Variants in CTNNA3 observed in about 807,000 individuals in gnomAD.
CTNNA3 encodes the protein catenin alpha-3.
In CTNNA3, 76 loss-of-function variants were observed where a neutral mutation model predicts 95.7. The observed-to-expected ratio is 0.79, with a 90% CI of 0.66 to 0.96. The LOEUF is 0.96. Among genes scored for constraint, CTNNA3 ranks in the 40% least tolerant of loss-of-function variants. The pLI, the probability that CTNNA3 is intolerant of heterozygous loss-of-function variation, is 0.00. For missense variants in CTNNA3, 1,191 were observed against 1,089.8 expected, an observed-to-expected ratio of 1.09 and a Z score of -1.31; for synonymous variants, 431 against 374.4, an observed-to-expected ratio of 1.15 and a Z score of -1.74.
chr10:66,565,981 C>T (rs1195386418), intron 10 of CTNNA3, among the ~76,000 whole-genome samples: 1 of 152,104 alleles, frequency 6.6e-6, no homozygotes, highest in East Asian at 1.9e-4. Flanking sequence ...TGAAAGAAAT[C>T]CTGAGGTCAG....
At chr10:66,329,988 T>C (rs2092305073) in intron 12 of CTNNA3, among the ~76,000 whole-genome samples, 2 of 152,094 alleles carry the variant, frequency 1.3e-5, no homozygotes, top group Admixed American at 1.3e-4. Context: ...AAATGGGACA[T>C]GATTCCAAGC....
chr10:65,940,761 G>A (rs963965578), intron 17 of CTNNA3, among the ~76,000 whole-genome samples: 17 of 152,074 alleles, frequency 1.1e-4, no homozygotes, highest in African/African-American at 4.1e-4. Context: ...ATTATATCCT[G>A]TTCAAAAATC....
rs1210482029 is a variant in CTNNA3, at chr10:67,296,934, C to CAAAAAAAAAAAAAAAAAAA, written c.580-77083_580-77065dup. ...GGGCAACAAGAATGAAACGCTGTCT[C>CAAAAAAAAAAAAAAAAAAA]AAAAAAAAAAAAAAAAAAAAAAAAA... On this transcript the variant is annotated intron_variant, in intron 5 of 17. Coordinates refer to ENST00000433211, the MANE Select transcript of CTNNA3 (RefSeq NM_013266.4). Among the ~76,000 whole-genome samples, 8 of 17,664 alleles carry CAAAAAAAAAAAAAAAAAAA rather than the reference C, an allele frequency of 4.5e-4. 2 individuals are homozygous for CAAAAAAAAAAAAAAAAAAA. Among genetic ancestry groups the CAAAAAAAAAAAAAAAAAAA allele is most frequent in the African/African-American group, 1.0e-3 (5 of 5,024 alleles). 11.6% of individuals were successfully genotyped at this position (17,664 alleles called of 152,430 possible).
chr10:66,171,355 A>G (rs1220309497), intron 13 of CTNNA3, among the ~76,000 whole-genome samples: 1 of 151,676 alleles, frequency 6.6e-6, no homozygotes, highest in African/African-American at 2.4e-5. Context: ...TGGGTGGATC[A>G]CCAGAGATGG....
chr10:65,970,988 CT>C (rs533752420), intron 16 of CTNNA3, among the ~76,000 whole-genome samples: 2,183 of 141,226 alleles, frequency 0.015, 33 homozygotes, highest in African/African-American at 0.04. Context: ...TTAAACCTCT[CT>C]TTTTTTTTTT....
At chr10:67,739,781 T>A (rs1023909828) in intron 1 of CTNNA3, among the ~76,000 whole-genome samples, 1 of 152,214 alleles carries the variant, frequency 6.6e-6, no homozygotes, top group Non-Finnish European at 1.5e-5. Context: ...TGCCAATGAC[T>A]TTCCTCAAAG....
At chr10:67,711,345 G>C (rs1276904793) in intron 1 of CTNNA3, among the ~76,000 whole-genome samples, 1 of 152,170 alleles carries the variant, frequency 6.6e-6, no homozygotes, top group African/African-American at 2.4e-5. Context: ...ATAAGGGAAA[G>C]TTTGGAACTC....
At chr10:67,663,145 C>T (rs1009760319) in intron 1 of CTNNA3, among the ~76,000 whole-genome samples, 3 of 152,128 alleles carry the variant, frequency 2.0e-5, no homozygotes, top group Non-Finnish European at 4.4e-5. Context: ...AGGCTTCACA[C>T]CTGTGTGTTC....
At position 66,688,690 on chromosome 10, in the gene CTNNA3, G is replaced by A. The variant is rs571766789; in HGVS notation, c.1282-66906C>T. On this transcript the variant is annotated intron_variant, in intron 9 of 17. Coordinates refer to ENST00000433211, the MANE Select transcript of CTNNA3 (RefSeq NM_013266.4). ...TTAAAGCCCCATAAGAGCAGAGACC[G>A]GCCGGGCGCGGTGGCTCACGCCTGT... Among the ~76,000 whole-genome samples the A allele has an allele frequency of 1.4e-4, 21 of 152,032 alleles. 1 individual carries two copies. Among genetic ancestry groups the A allele is most frequent in the Admixed American group, 7.2e-4 (11 of 15,266 alleles).
At chr10:67,304,926 A>AGAG (rs997621004) in intron 5 of CTNNA3, among the ~76,000 whole-genome samples, 1 of 151,996 alleles carries the variant, frequency 6.6e-6, no homozygotes, top group Non-Finnish European at 1.5e-5. Flanking sequence ...GGATAAGGGA[A>AGAG]GAGGAGGAGG....
intron 7 of CTNNA3, among the ~76,000 whole-genome samples, chr10:66,913,404 G>C (rs1425124946): frequency 6.6e-6 from 1 of 152,056 alleles, no homozygotes; most frequent in East Asian, 1.9e-4. Context: ...TCAACCTTGG[G>C]CTACAGTCTT....
At chr10:67,726,572 CATATTAT>C (rs1841226434) in intron 1 of CTNNA3, among the ~76,000 whole-genome samples, 7 of 55,272 alleles carry the variant, frequency 1.3e-4, no homozygotes, top group Admixed American at 6.6e-4. Flanking sequence ...ATATATATTA[CATATTAT>C]ATAATATGTA....
intron 11 of CTNNA3, among the ~76,000 whole-genome samples, chr10:66,453,578 C>T (rs1289130848): frequency 1.3e-5 from 2 of 152,212 alleles, no homozygotes; most frequent in Non-Finnish European, 2.9e-5. Flanking sequence ...AACTCCAAAC[C>T]ATGCTTATGT....
At chr10:66,447,297 C>G (rs537462767) in intron 11 of CTNNA3, among the ~76,000 whole-genome samples, 1 of 151,990 alleles carries the variant, frequency 6.6e-6, no homozygotes, top group Non-Finnish European at 1.5e-5. Flanking sequence ...CTACCAATGA[C>G]TTTCTTCACA....
chr10:67,365,012 G>T (rs1057013180), intron 5 of CTNNA3, among the ~76,000 whole-genome samples: 1 of 152,120 alleles, frequency 6.6e-6, no homozygotes, highest in Non-Finnish European at 1.5e-5. Flanking sequence ...GCATGGTACT[G>T]GTACCAAAAC....
At chr10:67,656,911 A>C (rs1361992012) in intron 1 of CTNNA3, among the ~76,000 whole-genome samples, 1 of 152,188 alleles carries the variant, frequency 6.6e-6, no homozygotes, top group Non-Finnish European at 1.5e-5. Context: ...TGAGCACTAA[A>C]ACATCAACTG....
At chr10:66,902,190 C>A (rs1261663249) in intron 7 of CTNNA3, among the ~76,000 whole-genome samples, 1 of 152,174 alleles carries the variant, frequency 6.6e-6, no homozygotes, top group Non-Finnish European at 1.5e-5. Flanking sequence ...TCTCTCAGAC[C>A]ACAGTGCAAT....
At chr10:66,546,195 T>C (rs1220344257) in intron 10 of CTNNA3, among the ~76,000 whole-genome samples, 1 of 152,132 alleles carries the variant, frequency 6.6e-6, no homozygotes, top group East Asian at 1.9e-4. Flanking sequence ...TTCTACACTA[T>C]CTTCTAAAAA....
chr10:66,407,494 C>G (rs986146609), intron 11 of CTNNA3, among the ~76,000 whole-genome samples: 1 of 151,884 alleles, frequency 6.6e-6, no homozygotes, highest in African/African-American at 2.4e-5. Flanking sequence ...TTTGAATATT[C>G]CTTTTCTTTC....
Sources: gnomAD v4.1 joint callset for allele counts (sites outside exome capture counted in the v4.1 genomes callset) on GRCh38, gnomAD v4.1.1 for gene constraint, MANE v1.5 for transcripts, NCBI Gene and HGNC (gene_info 2026-07-23, HGNC 2026-07-21) for gene names.